NCOA7: variants seen among roughly 807,000 people sequenced by gnomAD.
NCOA7 encodes the protein nuclear receptor coactivator 7.
Under a neutral mutation model 104.3 loss-of-function variants are expected in NCOA7, and 45 were observed. The observed-to-expected ratio is 0.43, with a 90% CI of 0.34 to 0.55. NCOA7 has a LOEUF of 0.55. Among genes scored for constraint, NCOA7 ranks in the 20% least tolerant of loss-of-function variants. NCOA7 has a pLI of 0.02. For synonymous variants in NCOA7, 398 were observed against 402.3 expected, an observed-to-expected ratio of 0.99 and a Z score of 0.13; for missense variants, 1,041 against 1,119.7, an observed-to-expected ratio of 0.93 and a Z score of 1.00.
intron 7 of NCOA7, 79 bp downstream of exon 7, chr6:125,882,630 G>C (rs765386601): frequency 6.6e-7 from 1 of 1,523,006 alleles, no homozygotes; most frequent in East Asian, 2.3e-5. Context: ...TGGAACAGAG[G>C]CTACATTAAA....
chr6:125,839,759 T>C (rs2128602444), intron 2 of NCOA7, among the ~76,000 whole-genome samples: 1 of 152,200 alleles, frequency 6.6e-6, no homozygotes, highest in South Asian at 2.1e-4. Context: ...AATTCTATCA[T>C]CCAGTAACAT....
chr6:125,907,249 G>T (rs10223441), intron 10 of NCOA7, among the ~76,000 whole-genome samples: 1 of 152,100 alleles, frequency 6.6e-6, no homozygotes, highest in Non-Finnish European at 1.5e-5. Context: ...ACAAGCATTT[G>T]CTGGCAGAGT....
At chr6:125,832,487 A>G (rs1779272253) in intron 2 of NCOA7, among the ~76,000 whole-genome samples, 1 of 152,212 alleles carries the variant, frequency 6.6e-6, no homozygotes, top group South Asian at 2.1e-4. Context: ...GAGGACACAC[A>G]CATGTTCATT....
At chr6:125,831,483 T>C (rs1344289663) in intron 2 of NCOA7, among the ~76,000 whole-genome samples, 2 of 151,940 alleles carry the variant, frequency 1.3e-5, no homozygotes, top group Non-Finnish European at 2.9e-5. Context: ...CAGGTTTGTT[T>C]GTTTTTTTTT....
chr6:125,837,526 AC>A (rs1779713524), intron 2 of NCOA7, among the ~76,000 whole-genome samples: 1 of 151,316 alleles, frequency 6.6e-6, no homozygotes, highest in African/African-American at 2.4e-5. Context: ...ACTTCCCCAA[AC>A]TCTTTCTCCT....
At chr6:125,858,121 T>C (rs780146590) in intron 3 of NCOA7, among the ~76,000 whole-genome samples, 9 of 152,120 alleles carry the variant, frequency 5.9e-5, no homozygotes, top group Non-Finnish European at 1.0e-4. Flanking sequence ...ATGGATGTAT[T>C]TGATTACCTA....
intron 2 of NCOA7, among the ~76,000 whole-genome samples, chr6:125,836,251 G>T (rs144849754): frequency 3.3e-5 from 5 of 152,284 alleles, no homozygotes; most frequent in Admixed American, 2.0e-4. Flanking sequence ...ATGTATAGTT[G>T]TCATGCCAGG....
At chr6:125,807,901 C>A (rs1239938712) in intron 1 of NCOA7, among the ~76,000 whole-genome samples, 1 of 152,206 alleles carries the variant, frequency 6.6e-6, no homozygotes, top group Non-Finnish European at 1.5e-5. Context: ...TTCCTTTATT[C>A]ATTTAATCAT....
intron 4 of NCOA7, 29 bp from the exon 5 acceptor site, chr6:125,878,234 A>G (rs186870740): frequency 2.0e-6 from 3 of 1,506,326 alleles, no homozygotes; most frequent in Admixed American, 4.4e-5. Flanking sequence ...TGCTTTATTT[A>G]TTGACTCTTA....
chr6:125,888,193 A>C (rs1188375529), intron 8 of NCOA7, among the ~76,000 whole-genome samples: 1 of 152,262 alleles, frequency 6.6e-6, no homozygotes, highest in Non-Finnish European at 1.5e-5. Flanking sequence ...CACCATTGCT[A>C]TAAAGTAAAG....
chr6:125,831,707 G>T (rs1020832062), intron 2 of NCOA7, among the ~76,000 whole-genome samples: 5 of 152,050 alleles, frequency 3.3e-5, no homozygotes, highest in Admixed American at 2.6e-4. Context: ...CTCTCTTACA[G>T]CTTAACTTCA....
At chr6:125,823,262 C>T (rs1778366330) in intron 2 of NCOA7, among the ~76,000 whole-genome samples, 1 of 152,170 alleles carries the variant, frequency 6.6e-6, no homozygotes, top group Admixed American at 6.5e-5. Flanking sequence ...TGGCATACAG[C>T]AAGTGTTAAA....
At chr6:125,832,287 G>C (rs963400278) in intron 2 of NCOA7, among the ~76,000 whole-genome samples, 9 of 152,116 alleles carry the variant, frequency 5.9e-5, no homozygotes, top group African/African-American at 1.9e-4. Flanking sequence ...TTGAGTGATG[G>C]CTATAATAAT....
intron 1 of NCOA7, among the ~76,000 whole-genome samples, chr6:125,814,918 C>T (rs1169670528): frequency 6.6e-6 from 1 of 151,996 alleles, no homozygotes; most frequent in East Asian, 1.9e-4. Context: ...AGACATATGC[C>T]TTATTAATTG....
At chr6:125,880,012 G>A (rs6569441) in intron 5 of NCOA7, among the ~76,000 whole-genome samples, 111,067 of 151,924 alleles carry the variant, frequency 0.73, 41,227 homozygotes, top group African/African-American at 0.87. Context: ...CTCAGAAAAA[G>A]ACAAAAGATT....
At chr6:125,814,173 G>T (rs1777352167) in intron 1 of NCOA7, among the ~76,000 whole-genome samples, 1 of 151,220 alleles carries the variant, frequency 6.6e-6, no homozygotes, top group Admixed American at 6.6e-5. Flanking sequence ...ATTTTTTTTT[G>T]AGACAGAGTC....
intron 2 of NCOA7, among the ~76,000 whole-genome samples, chr6:125,823,323 A>C (rs1036982311): frequency 1.3e-5 from 2 of 152,238 alleles, no homozygotes; most frequent in Non-Finnish European, 2.9e-5. Context: ...TTAATGTAGG[A>C]TATAAATGGT....
intron 2 of NCOA7, among the ~76,000 whole-genome samples, chr6:125,828,394 C>A (rs1419724144): frequency 6.6e-6 from 1 of 152,126 alleles, no homozygotes; most frequent in African/African-American, 2.4e-5. Context: ...GCAGTTTCAG[C>A]ACAGTGGTGG....
At chr6:125,906,734 T>A (rs1476457007) in intron 10 of NCOA7, among the ~76,000 whole-genome samples, 1 of 151,950 alleles carries the variant, frequency 6.6e-6, no homozygotes, top group Non-Finnish European at 1.5e-5. Context: ...AAGATGTGGT[T>A]TAGATGGAAG....
Sources: allele counts gnomAD v4.1 joint callset (sites outside exome capture counted in the v4.1 genomes callset), GRCh38; gene constraint gnomAD v4.1.1; transcripts MANE v1.5; gene names NCBI Gene and HGNC (gene_info 2026-07-23, HGNC 2026-07-21).